Variants in PTPRM observed in about 807,000 individuals in gnomAD.
PTPRM encodes receptor-type tyrosine-protein phosphatase mu.
In PTPRM, 47 loss-of-function variants were observed where a neutral mutation model predicts 186.7. The observed-to-expected ratio is 0.25, with a 90% CI of 0.20 to 0.32. The LOEUF is 0.32. Among genes scored for constraint, PTPRM ranks in the 10% least tolerant of loss-of-function variants. PTPRM has a pLI of 1.00. For synonymous variants in PTPRM, 668 were observed against 674.9 expected (o/e 0.99, Z 0.16); for missense variants, 1,494 against 1,865.0 (o/e 0.80, Z 3.66).
chr18:7,708,859 C>A (rs943265119), intron 1 of PTPRM, among the ~76,000 whole-genome samples: 4 of 151,990 alleles, frequency 2.6e-5, no homozygotes, highest in Admixed American at 2.6e-4. Flanking sequence ...TAATTAGGAG[C>A]TTAAAATTGC....
At chr18:8,009,556 A>C (rs1468685831) in intron 7 of PTPRM, among the ~76,000 whole-genome samples, 1 of 151,996 alleles carries the variant, frequency 6.6e-6, no homozygotes, top group Non-Finnish European at 1.5e-5. Flanking sequence ...AAAAATACAA[A>C]AATTAGCCAG....
intron 2 of PTPRM, among the ~76,000 whole-genome samples, chr18:7,883,997 A>T (rs1334913582): frequency 6.6e-6 from 1 of 151,508 alleles, no homozygotes; most frequent in East Asian, 1.9e-4. Context: ...AATAAAAAAA[A>T]TTAGCAGGGT....
chr18:8,196,013 CA>C (rs1369673477), intron 14 of PTPRM, among the ~76,000 whole-genome samples: 5 of 152,148 alleles, frequency 3.3e-5, no homozygotes, highest in African/African-American at 1.2e-4. Flanking sequence ...TATTCCTTTC[CA>C]CTCAAGCACT....
At chr18:8,192,458 A>T (rs1377131597) in intron 14 of PTPRM, among the ~76,000 whole-genome samples, 1 of 152,216 alleles carries the variant, frequency 6.6e-6, no homozygotes, top group Non-Finnish European at 1.5e-5. Context: ...GACTAATGAG[A>T]TTATGTCAAA....
chr18:7,958,773 T>C (rs1239901182), intron 7 of PTPRM, among the ~76,000 whole-genome samples: 1 of 152,214 alleles, frequency 6.6e-6, no homozygotes, highest in Non-Finnish European at 1.5e-5. Context: ...AGGTCTGCTA[T>C]TACATTTCCA....
At chr18:8,125,821 A>C (rs1474067741) in intron 13 of PTPRM, among the ~76,000 whole-genome samples, 1 of 151,692 alleles carries the variant, frequency 6.6e-6, no homozygotes, top group Non-Finnish European at 1.5e-5. Context: ...TGATTTGGGA[A>C]GAAAGTAGAA....
chr18:7,774,059 G>A (rs1029578068), intron 1 of PTPRM, 90 bp from the exon 2 acceptor site: 71 of 1,333,810 alleles, frequency 5.3e-5, no homozygotes, highest in Non-Finnish European at 6.7e-5. Flanking sequence ...ATCAAACTTG[G>A]CATCAAGTCT....
intron 1 of PTPRM, among the ~76,000 whole-genome samples, chr18:7,648,064 G>A (rs2038607073): frequency 6.6e-6 from 1 of 152,002 alleles, no homozygotes. Flanking sequence ...TGGAAAATAG[G>A]CCCACTTTGT....
chr18:8,289,512 A>ATG (rs1326929393), intron 19 of PTPRM, among the ~76,000 whole-genome samples: 1,044 of 98,914 alleles, frequency 0.011, 51 homozygotes, highest in African/African-American at 0.04. Context: ...ATGTGTGTGT[A>ATG]TGTATATATA....
chr18:7,744,893 A>C (rs2144541716), intron 1 of PTPRM, among the ~76,000 whole-genome samples: 1 of 152,290 alleles, frequency 6.6e-6, no homozygotes, highest in Admixed American at 6.5e-5. Context: ...CATCCAGGGG[A>C]TCAGAGTCTG....
chr18:8,267,852 C>A (rs889626347), intron 19 of PTPRM, among the ~76,000 whole-genome samples: 9 of 152,050 alleles, frequency 5.9e-5, no homozygotes, highest in African/African-American at 2.2e-4. Flanking sequence ...AGATTATTTC[C>A]TTATTGTTCC....
At chr18:7,897,575 A>G (rs996547864) in intron 3 of PTPRM, among the ~76,000 whole-genome samples, 3 of 152,228 alleles carry the variant, frequency 2.0e-5, no homozygotes, top group African/African-American at 7.2e-5. Context: ...AACTGTATTT[A>G]GGAAGTAGAA....
rs369672301 is a variant in PTPRM at position 7,831,650 on chromosome 18, GT to G, written c.197-56455del. Among the ~76,000 whole-genome samples the G allele has an allele frequency of 2.1e-3, 323 of 152,222 alleles. 4 individuals carry two copies. The highest frequency in any genetic ancestry group is 7.1e-3 in the African/African-American group (297 of 41,552). ...TATACTCTTTTAGTTATCTTTAAAT[GT>G]ACAATTAAGTTACTATTGACTGTAG... On this transcript the variant is annotated intron_variant, in intron 2 of 32. Coordinates refer to ENST00000580170, the MANE Select transcript of PTPRM (RefSeq NM_001105244.2).
intron 2 of PTPRM, among the ~76,000 whole-genome samples, chr18:7,887,078 TGTGTA>T (rs1487046082): frequency 6.6e-6 from 1 of 152,204 alleles, no homozygotes; most frequent in Non-Finnish European, 1.5e-5. Flanking sequence ...GGTACCCATC[TGTGTA>T]GTATTTTTAT....
At chr18:7,901,984 T>A (rs545285576) in intron 3 of PTPRM, among the ~76,000 whole-genome samples, 1 of 152,324 alleles carries the variant, frequency 6.6e-6, no homozygotes, top group East Asian at 1.9e-4. Context: ...AGTTGTTGCT[T>A]CAAACTTGTG....
chr18:8,389,853 TC>T (rs1198866030), intron 31 of PTPRM, among the ~76,000 whole-genome samples: 2 of 152,170 alleles, frequency 1.3e-5, no homozygotes, highest in Admixed American at 6.5e-5. Flanking sequence ...GGTGGAGAGT[TC>T]CCGGCTGAGA....
In PTPRM at chr18:7,976,562, T is replaced by C. The variant is rs574622570; in HGVS notation, c.1132+21148T>C. Among the ~76,000 whole-genome samples the C allele has an allele frequency of 3.3e-5, 5 of 152,278 alleles. No individual in the cohort carries two copies. In the South Asian group the frequency reaches 1.0e-3, roughly 32 times the overall value. ...GGGAATCTTCATATGCTTCGTGCCA[T>C]GCAATTTTGCTGTTAACGTAAAACT... On this transcript the variant is annotated intron_variant, in intron 7 of 32. Coordinates refer to ENST00000580170, the MANE Select transcript of PTPRM (RefSeq NM_001105244.2).
intron 1 of PTPRM, among the ~76,000 whole-genome samples, chr18:7,728,469 G>C (rs1377634367): frequency 6.6e-6 from 1 of 152,218 alleles, no homozygotes; most frequent in African/African-American, 2.4e-5. Flanking sequence ...TGCATAAGGC[G>C]CAAATTCCTG....
chr18:8,152,594 C>G (rs2093033273), intron 14 of PTPRM, among the ~76,000 whole-genome samples: 1 of 151,976 alleles, frequency 6.6e-6, no homozygotes, highest in African/African-American at 2.4e-5. Context: ...TATTTTCATT[C>G]CATTCCTCTC....
Sources: gnomAD v4.1 joint callset for allele counts (sites outside exome capture counted in the v4.1 genomes callset) on GRCh38, gnomAD v4.1.1 for gene constraint, MANE v1.5 for transcripts, NCBI Gene and HGNC (gene_info 2026-07-23, HGNC 2026-07-21) for gene names.